Variants in SLC9A4 observed in about 807,000 individuals in gnomAD.
SLC9A4 encodes the protein solute carrier family 9 member A4.
A neutral mutation model predicts 67.4 loss-of-function variants in SLC9A4; 63 were observed. The observed-to-expected ratio is 0.93, with a 90% CI of 0.76 to 1.15. The LOEUF is 1.15. SLC9A4 is among the 50% of genes most tolerant of loss of function. The pLI, the probability that SLC9A4 is intolerant of heterozygous loss-of-function variation, is 0.00. For synonymous variants in SLC9A4, 393 were observed against 367.2 expected (o/e 1.07, Z -0.80); for missense variants, 1,089 against 987.7 (o/e 1.10, Z -1.38).
rs754307617 is a variant in SLC9A4 at position 102,473,722 on chromosome 2, C to A, written c.-38C>A. ...TCCCCGACTTCAGATGTGTGGCACACATCCACACAGGGGTGTAGGTAGGAG... is the reference window on the plus strand; with the variant it reads ...TCCCCGACTTCAGATGTGTGGCACAAATCCACACAGGGGTGTAGGTAGGAG... On this transcript the variant is annotated 5_prime_UTR_variant, in exon 1 of 12. Coordinates refer to ENST00000295269, the MANE Select transcript of SLC9A4 (RefSeq NM_001011552.4). The A allele has an allele frequency of 4.9e-5, 78 of 1,606,738 alleles. 1 individual carries two copies. The South Asian group carries it at 8.6e-4, about 18-fold the overall frequency.
chr2:102,498,968 G>T (rs1014339312), intron 2 of SLC9A4, among the ~76,000 whole-genome samples: 3 of 152,210 alleles, frequency 2.0e-5, no homozygotes, highest in Admixed American at 6.5e-5. Context: ...TGGGGAAGAA[G>T]CCCAGGGGGA....
At chr2:102,495,457 A>G (rs1402760809) in intron 2 of SLC9A4, among the ~76,000 whole-genome samples, 4 of 152,198 alleles carry the variant, frequency 2.6e-5, no homozygotes, top group East Asian at 1.9e-4. Context: ...TATAGATTCA[A>G]TAAGAGCCCA....
At chr2:102,496,147 GAAATAATTTT>G (rs1009608803) in intron 2 of SLC9A4, among the ~76,000 whole-genome samples, 2 of 152,204 alleles carry the variant, frequency 1.3e-5, no homozygotes, top group South Asian at 4.1e-4. Context: ...AGAGAATATG[GAAATAATTTT>G]AAATAATTTT....
At chr2:102,486,650 T>A (rs1364974984) in intron 2 of SLC9A4, among the ~76,000 whole-genome samples, 1 of 152,186 alleles carries the variant, frequency 6.6e-6, no homozygotes, top group Admixed American at 6.5e-5. Flanking sequence ...ATGGGGGGCG[T>A]GGACCTACAA....
chr2:102,473,504 G>A lies in SLC9A4; in HGVS notation c.-256G>A, dbSNP rs1023418368. On this transcript the variant is annotated 5_prime_UTR_variant, in exon 1 of 12. An upstream start codon of the reference 5' UTR is lost. Coordinates refer to ENST00000295269, the MANE Select transcript of SLC9A4 (RefSeq NM_001011552.4). The stretch of plus-strand genomic sequence containing the variant: ...ATGGAGGTCCTCCAGGTAGCTCCAT[G>A]GACTTTAACAAGTCTATTGAATAAC... The A allele has an allele frequency of 2.0e-6, 1 of 489,232 alleles. No individual in the cohort carries two copies. Among genetic ancestry groups the A allele is most frequent in the Non-Finnish European group, 3.6e-6 (1 of 275,606 alleles). The allele number at this position is 489,232 out of a possible 1,614,324, so 30.3% of individuals were successfully genotyped here. A position where few individuals can be genotyped will look rare whatever the true frequency, so the allele number is the denominator to read the frequency against.
At chr2:102,499,339 A>G (rs1558664673) in intron 2 of SLC9A4, among the ~76,000 whole-genome samples, 1 of 152,148 alleles carries the variant, frequency 6.6e-6, no homozygotes, top group Admixed American at 6.5e-5. Context: ...ACATATCTGT[A>G]GTAGTTTTCT....
intron 11 of SLC9A4, among the ~76,000 whole-genome samples, chr2:102,529,252 T>C (rs529442176): frequency 5.3e-5 from 8 of 152,354 alleles, no homozygotes; most frequent in African/African-American, 9.6e-5. Context: ...TCAAATATAC[T>C]CGACTGGTTC....
intron 4 of SLC9A4, 131 bp downstream of exon 4, chr2:102,505,602 C>T: frequency 1.2e-6 from 1 of 800,484 alleles, no homozygotes; most frequent in East Asian, 2.7e-5. Context: ...AGACTAGGAA[C>T]CTGGTCGTGA....
intron 2 of SLC9A4, among the ~76,000 whole-genome samples, chr2:102,500,029 A>G (rs902640153): frequency 3.9e-5 from 6 of 152,216 alleles, no homozygotes; most frequent in African/African-American, 1.4e-4. Context: ...CCCCTCAAAA[A>G]TCCATGCTCA....
chr2:102,489,146 C>A (rs1444400334), intron 2 of SLC9A4, among the ~76,000 whole-genome samples: 1 of 152,122 alleles, frequency 6.6e-6, no homozygotes, highest in Non-Finnish European at 1.5e-5. Flanking sequence ...TTGTATCATG[C>A]AGGTGAACTG....
intron 11 of SLC9A4, among the ~76,000 whole-genome samples, chr2:102,528,848 C>G (rs1050717120): frequency 1.3e-5 from 2 of 152,146 alleles, no homozygotes; most frequent in Non-Finnish European, 2.9e-5. Context: ...GTCACACTTT[C>G]AGTCAAAGCC....
intron 2 of SLC9A4, among the ~76,000 whole-genome samples, chr2:102,500,325 C>T (rs1261435575): frequency 3.3e-5 from 5 of 152,142 alleles, no homozygotes; most frequent in Admixed American, 2.0e-4. Context: ...TCAGGGGGCG[C>T]GTAGCACTGC....
At chr2:102,523,142 T>C (rs903777962) in intron 9 of SLC9A4, among the ~76,000 whole-genome samples, 1 of 151,918 alleles carries the variant, frequency 6.6e-6, no homozygotes, top group Non-Finnish European at 1.5e-5. Flanking sequence ...CATTTTTTTT[T>C]TTTTGTATTT....
intron 1 of SLC9A4, among the ~76,000 whole-genome samples, chr2:102,477,312 C>G (rs1684355902): frequency 6.6e-6 from 1 of 152,222 alleles, no homozygotes; most frequent in Non-Finnish European, 1.5e-5. Flanking sequence ...TTCTCCCCAC[C>G]TAAAATTTCT....
chr2:102,489,096 TTAAA>T (rs1318886115), intron 2 of SLC9A4, among the ~76,000 whole-genome samples: 1 of 152,232 alleles, frequency 6.6e-6, no homozygotes, highest in Non-Finnish European at 1.5e-5. Flanking sequence ...GCTTTTATGG[TTAAA>T]AGAGTTTTGA....
intron 2 of SLC9A4, among the ~76,000 whole-genome samples, chr2:102,482,890 G>C (rs1684495719): frequency 6.6e-6 from 1 of 152,188 alleles, no homozygotes; most frequent in African/African-American, 2.4e-5. Context: ...TGCCAAGGCA[G>C]AGTCTTTATC....
chr2:102,507,415 G>A (rs952506447), intron 4 of SLC9A4, among the ~76,000 whole-genome samples: 24 of 152,102 alleles, frequency 1.6e-4, no homozygotes, highest in African/African-American at 5.6e-4. Context: ...TATGTGAGCC[G>A]CTTGGGGATG....
Position 102,482,768 on chromosome 2 carries a change from C to T in SLC9A4, c.720+3466C>T, listed in dbSNP as rs538556996. Among the ~76,000 whole-genome samples the T allele has an allele frequency of 4.1e-4, 62 of 152,342 alleles. 1 individual carries two copies. The highest frequency in any genetic ancestry group is 1.5e-3 in the African/African-American group (61 of 41,572). ...ATTCTGAAGCAATTATTCAACCTCT[C>T]CTTCATAAATTATTACAGAGGTCAA... On this transcript the variant is annotated intron_variant, in intron 2 of 11. Coordinates refer to ENST00000295269, the MANE Select transcript of SLC9A4 (RefSeq NM_001011552.4).
intron 2 of SLC9A4, among the ~76,000 whole-genome samples, chr2:102,501,755 C>G (rs1684945689): frequency 6.6e-6 from 1 of 151,706 alleles, no homozygotes; most frequent in African/African-American, 2.4e-5. Context: ...AACCCAGAAC[C>G]CAAGGGCTGT....
Sources: gnomAD v4.1 joint callset for allele counts (sites outside exome capture counted in the v4.1 genomes callset) on GRCh38, gnomAD v4.1.1 for gene constraint, MANE v1.5 for transcripts, NCBI Gene and HGNC (gene_info 2026-07-23, HGNC 2026-07-21) for gene names.